The following ANKDD1A variants were observed in gnomAD, a reference collection of about 807,000 sequenced individuals.
ANKDD1A encodes ankyrin repeat and death domain-containing protein 1A.
In ANKDD1A, 59 loss-of-function variants were observed where a neutral mutation model predicts 63.5. The observed-to-expected ratio is 0.93, with a 90% CI of 0.75 to 1.15. The LOEUF is 1.15. ANKDD1A is among the 50% of genes most tolerant of loss of function. ANKDD1A has a pLI of 0.00. For missense variants in ANKDD1A, 632 were observed against 656.4 expected (o/e 0.96, Z 0.41); for synonymous variants, 266 against 263.9 (o/e 1.01, Z -0.08).
chr15:64,952,676 T>TCTTCCC (rs2085316973), intron 14 of ANKDD1A, among the ~76,000 whole-genome samples: 16 of 149,984 alleles, frequency 1.1e-4, no homozygotes, highest in Admixed American at 7.3e-4. Flanking sequence ...TCTTCCTTCT[T>TCTTCCC]CTTCTTCCTC....
intron 3 of ANKDD1A, 151 bp from the exon 4 acceptor site, chr15:64,921,770 G>T: frequency 1.7e-6 from 1 of 591,068 alleles, no homozygotes; most frequent in South Asian, 2.5e-5. Context: ...AAAAATCTTG[G>T]TCTTTAAACT....
chr15:64,949,914 G>T lies in ANKDD1A; in HGVS notation c.1425G>T (p.Glu475Asp). The T allele has an allele frequency of 6.2e-7, 1 of 1,608,866 alleles. No individual in the cohort carries two copies. Among genetic ancestry groups the T allele is most frequent in the South Asian group, 1.1e-5 (1 of 91,078 alleles). Residue 475 changes from glutamate to aspartate, a missense_variant, in exon 14 of 15, where the codon GAG becomes GAT. Glu to Asp is a conservative substitution (Grantham distance 45). Coordinates refer to ENST00000319580, the MANE Select transcript of ANKDD1A (RefSeq NM_182703.6). ...IWLHGVATAGENPSKALFEGL... is the reference protein window; with the variant it reads ...IWLHGVATAGDNPSKALFEGL... The stretch of plus-strand genomic sequence containing the variant: ...TGCATGGCGTGGCCACGGCTGGTGA[G>T]AACCCCAGCAAAGCGCTGTTCGAGG...
At chr15:64,953,597 T>TC (rs1382712518) in intron 14 of ANKDD1A, among the ~76,000 whole-genome samples, 5 of 56,106 alleles carry the variant, frequency 8.9e-5, no homozygotes, top group South Asian at 6.6e-4. Flanking sequence ...TCCTTCTCCT[T>TC]TTCTTCTTTC....
chr15:64,944,863 A>T (rs2085211298), intron 12 of ANKDD1A, 116 bp downstream of exon 12: 1 of 960,656 alleles, frequency 1.0e-6, no homozygotes, highest in East Asian at 2.6e-5. Context: ...GTCTCCAAGC[A>T]GGTGATAATC....
chr15:64,924,898 C>T (rs1035475393), intron 4 of ANKDD1A, among the ~76,000 whole-genome samples: 1 of 152,094 alleles, frequency 6.6e-6, no homozygotes, highest in Non-Finnish European at 1.5e-5. Context: ...CCTTCTCATC[C>T]TTTCATATCA....
chr15:64,939,451 CA>C (rs545884077), intron 9 of ANKDD1A, among the ~76,000 whole-genome samples: 1 of 152,006 alleles, frequency 6.6e-6, no homozygotes, highest in Non-Finnish European at 1.5e-5. Context: ...ACTGTCTCTA[CA>C]AAAAAACTTT....
intron 9 of ANKDD1A, among the ~76,000 whole-genome samples, chr15:64,935,685 GAA>G (rs948353024): frequency 6.8e-6 from 1 of 146,632 alleles, no homozygotes; most frequent in African/African-American, 2.5e-5. Flanking sequence ...AAAAAAAAAA[GAA>G]AAGAAAATTA....
At chr15:64,953,616 T>C (rs1375541950) in intron 14 of ANKDD1A, among the ~76,000 whole-genome samples, 37 of 7,976 alleles carry the variant, frequency 4.6e-3, no homozygotes, top group East Asian at 0.056. Context: ...TCTTCTCTCC[T>C]TCTTCTTCTT....
Position 64,947,417 on chromosome 15 carries a change from A to G in ANKDD1A, c.1175A>G (p.Asp392Gly). The change falls in exon 13 of 15, where the codon GAT (aspartate) becomes GGT (glycine). Residue 392 changes from aspartate (D) to glycine (G), a missense_variant. Physicochemically the swap from Asp to Gly is moderately conservative, Grantham distance 94. Coordinates refer to ENST00000319580, the MANE Select transcript of ANKDD1A (RefSeq NM_182703.6). ...FYRWEKDHPS[D>G]PSGKSLSFKQ... ...TCTGCCCCACAGGACCACCCCAGTGATCCCTCTGGGAAGAGCTTGTCCTTT... is the reference window on the plus strand; with the variant it reads ...TCTGCCCCACAGGACCACCCCAGTGGTCCCTCTGGGAAGAGCTTGTCCTTT... 6.2e-7 allele frequency: 1 copy of G among 1,612,988 alleles called. No homozygotes were observed. Among genetic ancestry groups the G allele is most frequent in the Non-Finnish European group, 8.5e-7 (1 of 1,179,114 alleles).
chr15:64,931,838 C>T, intron 8 of ANKDD1A: 1 of 593,020 alleles, frequency 1.7e-6, no homozygotes, highest in Non-Finnish European at 3.0e-6. Context: ...GGATTAAATA[C>T]CTAACACAGT....
At chr15:64,915,767 C>A in intron 1 of ANKDD1A, 30 bp from the exon 2 acceptor site, 2 of 1,599,100 alleles carry the variant, frequency 1.3e-6, no homozygotes, top group South Asian at 1.1e-5. Context: ...CATCCTCCCC[C>A]TCATCCTGCA....
intron 9 of ANKDD1A, among the ~76,000 whole-genome samples, chr15:64,940,282 A>G (rs1475590831): frequency 2.6e-5 from 4 of 152,188 alleles, no homozygotes; most frequent in Admixed American, 2.0e-4. Context: ...ATGATATACT[A>G]CTTTTCAGAA....
chr15:64,944,845 G>A, intron 12 of ANKDD1A, 98 bp downstream of exon 12: 1 of 1,167,966 alleles, frequency 8.6e-7, no homozygotes, highest in East Asian at 2.5e-5. Context: ...CCAATTCTGG[G>A]TCCCTCAGTC....
intron 14 of ANKDD1A, among the ~76,000 whole-genome samples, chr15:64,952,660 TCC>T (rs1430395413): frequency 2.9e-4 from 33 of 112,764 alleles, no homozygotes; most frequent in South Asian, 2.2e-3. Flanking sequence ...TCCTTCTTCT[TCC>T]CCTTCTTCCT....
chr15:64,952,902 C>CCTTTT (rs2085324550), intron 14 of ANKDD1A, among the ~76,000 whole-genome samples: 1 of 121,844 alleles, frequency 8.2e-6, no homozygotes, highest in East Asian at 2.1e-4. Flanking sequence ...CCTTCTCCTT[C>CCTTTT]CTTCTCTTCT....
chr15:64,954,877 C>CCTTCTTCTCCTCCTCCTT lies in ANKDD1A; in HGVS notation c.1484-2221_1484-2220insTCTCCTCCTCCTTCTTCT, dbSNP rs143108176. On this transcript the variant is annotated intron_variant, in intron 14 of 14. Transcript: ENST00000319580. ...TCTTCTTTCTTCTCCTTTTCTTCTT[C>CCTTCTTCTCCTCCTCCTT]CTTCTCCTCCTCCTTCTTCCTTCTT... 4.7e-4 allele frequency among the ~76,000 whole-genome samples: 69 copies of CCTTCTTCTCCTCCTCCTT among 146,096 alleles called. 1 individual carries two copies. Among genetic ancestry groups the CCTTCTTCTCCTCCTCCTT allele is most frequent in the African/African-American group, 1.7e-3 (68 of 39,102 alleles).
intron 14 of ANKDD1A, among the ~76,000 whole-genome samples, chr15:64,953,451 TCTTCTCTCCTTC>T (rs2085340304): frequency 1.5e-5 from 1 of 66,478 alleles, no homozygotes; most frequent in African/African-American, 4.4e-5. Context: ...TTTTCTTCTT[TCTTCTCTCCTTC>T]TTCTTCTTCC....
chr15:64,954,747 CTTCTTTCT>C (rs1203858212), intron 14 of ANKDD1A, among the ~76,000 whole-genome samples: 2 of 118,900 alleles, frequency 1.7e-5, no homozygotes, highest in South Asian at 6.2e-4. Flanking sequence ...CCTTCTCCTT[CTTCTTTCT>C]TTTTGTTCTT....
chr15:64,954,305 C>T (rs1182371269), intron 14 of ANKDD1A, among the ~76,000 whole-genome samples: 17 of 140,774 alleles, frequency 1.2e-4, no homozygotes, highest in South Asian at 4.4e-4. Flanking sequence ...CTTTTCTTCT[C>T]CTTCTCTTCC....
Sources: allele counts gnomAD v4.1 joint callset (sites outside exome capture counted in the v4.1 genomes callset), GRCh38; gene constraint gnomAD v4.1.1; transcripts MANE v1.5; gene names NCBI Gene and HGNC (gene_info 2026-07-23, HGNC 2026-07-21).